VPS45: variants seen among roughly 807,000 people sequenced by gnomAD.
VPS45 encodes the protein vacuolar protein sorting-associated protein 45.
A neutral mutation model predicts 75.9 loss-of-function variants in VPS45; 35 were observed. The observed-to-expected ratio is 0.46, with a 90% CI of 0.35 to 0.61. VPS45 has a LOEUF of 0.61. Ranked by LOEUF, VPS45 falls within the 20% of genes least tolerant of loss-of-function variation. The pLI, the probability that VPS45 is intolerant of heterozygous loss-of-function variation, is 0.00. For synonymous variants in VPS45, 220 were observed against 238.2 expected, an observed-to-expected ratio of 0.92 and a Z score of 0.70; for missense variants, 559 against 685.9, an observed-to-expected ratio of 0.81 and a Z score of 2.07.
intron 10 of VPS45, among the ~76,000 whole-genome samples, chr1:150,091,176 CTG>C (rs797027462): frequency 6.6e-5 from 10 of 152,352 alleles, no homozygotes; most frequent in African/African-American, 2.4e-4. Flanking sequence ...ACCCCATTGA[CTG>C]TGAACTCACT....
chr1:150,076,165 C>G, intron 3 of VPS45, 68 bp from the exon 4 acceptor site: 1 of 1,203,784 alleles, frequency 8.3e-7, no homozygotes, highest in Non-Finnish European at 1.2e-6. Flanking sequence ...CTTTAACTAT[C>G]AGGCCCTTTT....
chr1:150,140,386 G>GGTTTGTGTGTGTGTGT (rs1247879886), intron 14 of VPS45, among the ~76,000 whole-genome samples: 16 of 140,432 alleles, frequency 1.1e-4, no homozygotes, highest in Middle Eastern at 3.7e-3. Context: ...CATCACTTCT[G>GGTTTGTGTGTGTGTGT]GTGTGTGTGT....
chr1:150,138,027 C>G (rs868928203), intron 14 of VPS45, among the ~76,000 whole-genome samples: 12 of 151,710 alleles, frequency 7.9e-5, no homozygotes, highest in African/African-American at 2.9e-4. Context: ...TCTGTGTTCT[C>G]TTTCATGGGA....
intron 14 of VPS45, 99 bp from the exon 15 acceptor site, chr1:150,144,610 C>A: frequency 1.9e-6 from 2 of 1,037,156 alleles, no homozygotes; most frequent in South Asian, 1.6e-5. Context: ...GCCTACTATT[C>A]ATGATATATT....
chr1:150,132,180 C>T (rs1222421649), intron 14 of VPS45, among the ~76,000 whole-genome samples: 6 of 152,118 alleles, frequency 3.9e-5, no homozygotes, highest in Non-Finnish European at 8.8e-5. Context: ...TTGTTTCCTG[C>T]AGCCAGAATG....
At chr1:150,086,689 C>G (rs1163867323) in intron 10 of VPS45, among the ~76,000 whole-genome samples, 2 of 152,098 alleles carry the variant, frequency 1.3e-5, no homozygotes, top group East Asian at 3.8e-4. Flanking sequence ...TTTATGTTGA[C>G]TAGTCATTAA....
intron 1 of VPS45, chr1:150,068,160 A>C (rs1654831068): frequency 1.9e-6 from 1 of 526,896 alleles, no homozygotes; most frequent in South Asian, 2.9e-5. Context: ...TTCTACCCGG[A>C]ACAATTTATT....
At chr1:150,115,979 T>G (rs1241690674) in intron 14 of VPS45, among the ~76,000 whole-genome samples, 1 of 152,210 alleles carries the variant, frequency 6.6e-6, no homozygotes, top group Non-Finnish European at 1.5e-5. Flanking sequence ...TGCTGACCCT[T>G]AGCAATTCCT....
In VPS45 at chr1:150,091,777, G is replaced by C. The variant is rs74127429; in HGVS notation, c.1105-160G>C. Among the ~76,000 whole-genome samples, 3,284 of 152,158 alleles carry C rather than the reference G, an allele frequency of 0.022. 98 individuals are homozygous for C. Among genetic ancestry groups the C allele is most frequent in the African/African-American group, 0.074 (3,084 of 41,508 alleles). On this transcript the variant is annotated intron_variant, in intron 10 of 14. Coordinates refer to ENST00000644510, the MANE Select transcript of VPS45 (RefSeq NM_007259.5). ...ATTTAATTCTTACCTTGGACAAAAG[G>C]CATTTAATTTTCTATAGTTGAGACA...
At chr1:150,088,704 C>T (rs1231786153) in intron 10 of VPS45, among the ~76,000 whole-genome samples, 1 of 151,866 alleles carries the variant, frequency 6.6e-6, no homozygotes, top group Non-Finnish European at 1.5e-5. Flanking sequence ...GTCCCCAGCT[C>T]CTGAGCTCAA....
Position 150,067,921 on chromosome 1 carries a change from A to G in VPS45, c.64A>G (p.Met22Val), listed in dbSNP as rs782253570. The G allele has an allele frequency of 6.2e-6, 10 of 1,614,236 alleles. No homozygotes were observed. Among genetic ancestry groups the G allele is most frequent in the Non-Finnish European group, 7.6e-6 (9 of 1,180,024 alleles). ...AATGATAGAGGACAGCGGGCCTGGT[A>G]TGAAAGTACTTCTCATGGATAAAGA... ...SKMIEDSGPG[M>V]KVLLMDKETT... The change falls in exon 1 of 15, where the codon ATG becomes GTG. Residue 22 changes from methionine (M) to valine (V), a missense_variant. Coordinates refer to ENST00000644510, the MANE Select transcript of VPS45 (RefSeq NM_007259.5).
intron 14 of VPS45, among the ~76,000 whole-genome samples, chr1:150,140,130 G>A (rs1283511705): frequency 6.6e-6 from 1 of 151,844 alleles, no homozygotes; most frequent in South Asian, 2.1e-4. Context: ...GTGACCTCAA[G>A]TGACCTCAAG....
intron 14 of VPS45, among the ~76,000 whole-genome samples, chr1:150,128,301 T>C (rs1484074924): frequency 1.1e-3 from 4 of 3,582 alleles, no homozygotes; most frequent in African/African-American, 6.9e-3. Context: ...GACCCTTGTC[T>C]TAAAAAAAAA....
At chr1:150,104,243 A>G (rs587762690) in intron 13 of VPS45, among the ~76,000 whole-genome samples, 1 of 152,148 alleles carries the variant, frequency 6.6e-6, no homozygotes, top group South Asian at 2.1e-4. Context: ...TGTACCTGCC[A>G]TGTTTAACTC....
chr1:150,142,999 A>G (rs1312952266), intron 14 of VPS45: 5 of 330,940 alleles, frequency 1.5e-5, no homozygotes, highest in Non-Finnish European at 2.4e-5. Flanking sequence ...GCCAATGGGT[A>G]GCTATTTTAT....
At chr1:150,117,220 A>G (rs1485959299) in intron 14 of VPS45, among the ~76,000 whole-genome samples, 3 of 150,626 alleles carry the variant, frequency 2.0e-5, no homozygotes, top group Admixed American at 2.0e-4. Context: ...TAAAATAATA[A>G]TAATAATAAT....
At chr1:150,106,531 C>T (rs772114532) in intron 13 of VPS45, among the ~76,000 whole-genome samples, 7 of 152,200 alleles carry the variant, frequency 4.6e-5, no homozygotes, top group African/African-American at 1.4e-4. Context: ...TATCATCTTA[C>T]GCTAGTCAGA....
At chr1:150,126,645 G>A (rs1553810809) in intron 14 of VPS45, among the ~76,000 whole-genome samples, 1 of 151,962 alleles carries the variant, frequency 6.6e-6, no homozygotes, top group East Asian at 1.9e-4. Flanking sequence ...GAATTTTATT[G>A]TCTATGAGTT....
chr1:150,083,673 CTA>C (rs1202701274), intron 10 of VPS45, among the ~76,000 whole-genome samples: 1 of 146,652 alleles, frequency 6.8e-6, no homozygotes. Context: ...TATATATTTT[CTA>C]TATATATATA....
Sources: gnomAD v4.1 joint callset for allele counts (sites outside exome capture counted in the v4.1 genomes callset) on GRCh38, gnomAD v4.1.1 for gene constraint, MANE v1.5 for transcripts, NCBI Gene and HGNC (gene_info 2026-07-23, HGNC 2026-07-21) for gene names.